TRPM3: variants seen among roughly 807,000 people sequenced by gnomAD.
TRPM3 encodes the protein transient receptor potential cation channel subfamily M member 3, also known as long transient receptor potential channel 3.
TRPM3 carries 77 observed loss-of-function variants against 181.2 expected under a neutral mutation model. The ratio of observed to expected loss-of-function variants is 0.42; its 90% CI spans 0.35 to 0.51. TRPM3 has a LOEUF of 0.51. Among genes scored for constraint, TRPM3 ranks in the 20% least tolerant of loss-of-function variants. The pLI, the probability that TRPM3 is intolerant of heterozygous loss-of-function variation, is 0.01. For synonymous variants in TRPM3, 745 were observed against 796.4 expected (o/e 0.94, Z 1.09); for missense variants, 1,759 against 2,196.7 (o/e 0.80, Z 3.98).
At chr9:71,080,251 TAATTGGAACG>T (rs2064088072) in intron 1 of TRPM3, among the ~76,000 whole-genome samples, 1 of 151,956 alleles carries the variant, frequency 6.6e-6, no homozygotes, top group Admixed American at 6.6e-5. Context: ...CCCAGTCTAG[TAATTGGAACG>T]AGACAACAGT....
intron 1 of TRPM3, among the ~76,000 whole-genome samples, chr9:71,197,810 A>T (rs1587901568): frequency 7.7e-6 from 1 of 130,590 alleles, no homozygotes; most frequent in Non-Finnish European, 1.7e-5. Context: ...ATTTTCTCCC[A>T]TTCTTTAGGT....
At chr9:70,981,053 A>G (rs949475110) in intron 1 of TRPM3, among the ~76,000 whole-genome samples, 1 of 152,192 alleles carries the variant, frequency 6.6e-6, no homozygotes, top group African/African-American at 2.4e-5. Flanking sequence ...CTCGAGTCAC[A>G]TTAAAGTGAT....
At position 70,535,106 on chromosome 9, in the gene TRPM3, A is replaced by G. The variant is rs1198609953; in HGVS notation, c.*847T>C. Reference sequence around the variant, plus strand: ...ATTCATCCATGACAGGTGAGATACAAAATAAATTAAAAAATATAAAATTAT... The same window carrying G: ...ATTCATCCATGACAGGTGAGATACAGAATAAATTAAAAAATATAAAATTAT... On this transcript the variant is annotated 3_prime_UTR_variant, in exon 26 of 26. Coordinates refer to ENST00000677713, the MANE Select transcript of TRPM3 (RefSeq NM_001366145.2). The G allele has an allele frequency of 1.5e-5, 3 of 204,512 alleles. No homozygotes were observed. Among genetic ancestry groups the G allele is most frequent in the African/African-American group, 7.0e-5 (3 of 43,104 alleles). The allele number at this position is 204,512 out of a possible 1,614,324, so 12.7% of individuals were successfully genotyped here.
At chr9:70,956,676 G>A (rs2097076231) in intron 1 of TRPM3, among the ~76,000 whole-genome samples, 1 of 152,056 alleles carries the variant, frequency 6.6e-6, no homozygotes, top group African/African-American at 2.4e-5. Context: ...TTTGAGGCCA[G>A]GACTTTGACA....
At chr9:70,898,269 C>G (rs2096314632) in intron 1 of TRPM3, among the ~76,000 whole-genome samples, 1 of 150,676 alleles carries the variant, frequency 6.6e-6, no homozygotes, top group Admixed American at 6.6e-5. Context: ...ACTACAGGCG[C>G]CCGCCACTAC....
At chr9:71,439,750 T>C (rs1404394724) in intron 1 of TRPM3, among the ~76,000 whole-genome samples, 2 of 152,224 alleles carry the variant, frequency 1.3e-5, no homozygotes, top group Non-Finnish European at 2.9e-5. Flanking sequence ...GTATTATGAT[T>C]ATGTGGATTA....
intron 1 of TRPM3, among the ~76,000 whole-genome samples, chr9:71,044,426 T>C (rs144880578): frequency 6.6e-5 from 10 of 152,366 alleles, no homozygotes; most frequent in Admixed American, 5.9e-4. Flanking sequence ...TGAGTCTGTT[T>C]ATATTCTTTG....
At chr9:71,172,151 T>C (rs2134814369) in intron 1 of TRPM3, among the ~76,000 whole-genome samples, 1 of 152,118 alleles carries the variant, frequency 6.6e-6, no homozygotes. Context: ...TCCTCCCGCT[T>C]CAGCCTCCCC....
chr9:70,986,388 C>T (rs1336119150), intron 1 of TRPM3, among the ~76,000 whole-genome samples: 1 of 152,096 alleles, frequency 6.6e-6, no homozygotes, highest in Non-Finnish European at 1.5e-5. Context: ...TATACATATA[C>T]TTTAACTTCA....
chr9:71,009,596 A>G (rs1356032767), intron 1 of TRPM3, among the ~76,000 whole-genome samples: 1 of 152,198 alleles, frequency 6.6e-6, no homozygotes, highest in African/African-American at 2.4e-5. Flanking sequence ...AGGCAATTAA[A>G]TGGAAATATA....
chr9:70,530,628 G>C lies in TRPM3; in HGVS notation c.*5325C>G, dbSNP rs544350314. The C allele has an allele frequency of 6.6e-6, 1 of 152,202 alleles. No individual in the cohort carries two copies. Among genetic ancestry groups the C allele is most frequent in the African/African-American group, 2.4e-5 (1 of 41,440 alleles). 9.4% of individuals were successfully genotyped at this position (152,202 alleles called of 1,614,324 possible). ...TTAGATGACCTGTAGAAACAGTCAC[G>C]TTGCTTTCATTAGCAGTGATGAGTG... On this transcript the variant is annotated 3_prime_UTR_variant, in exon 26 of 26. Transcript: ENST00000677713.
At chr9:71,367,327 G>A (rs758934375) in intron 1 of TRPM3, among the ~76,000 whole-genome samples, 1 of 152,144 alleles carries the variant, frequency 6.6e-6, no homozygotes, top group Non-Finnish European at 1.5e-5. Flanking sequence ...ACCCTGGAAT[G>A]TCTGCCTCTG....
chr9:71,387,872 G>A (rs1158086295), intron 1 of TRPM3, among the ~76,000 whole-genome samples: 2 of 152,050 alleles, frequency 1.3e-5, no homozygotes, highest in Non-Finnish European at 2.9e-5. Flanking sequence ...ACACACAGAT[G>A]CATACGTATA....
intron 1 of TRPM3, among the ~76,000 whole-genome samples, chr9:71,200,695 C>G (rs1179843871): frequency 2.6e-5 from 4 of 152,142 alleles, no homozygotes; most frequent in South Asian, 4.1e-4. Flanking sequence ...AGGATTGCAA[C>G]CCCTGCCTTT....
intron 9 of TRPM3, among the ~76,000 whole-genome samples, chr9:70,680,995 C>A (rs567160037): frequency 6.6e-6 from 1 of 152,242 alleles, no homozygotes; most frequent in African/African-American, 2.4e-5. Context: ...TTCCAGGAAG[C>A]TTAAATTTAA....
At chr9:71,289,596 A>G (rs2085607952) in intron 1 of TRPM3, among the ~76,000 whole-genome samples, 1 of 152,146 alleles carries the variant, frequency 6.6e-6, no homozygotes, top group African/African-American at 2.4e-5. Flanking sequence ...GGTCAAGCAC[A>G]GTGGCTCACG....
chr9:70,578,356 A>C lies in TRPM3; in HGVS notation c.3223+12675T>G, dbSNP rs960762017. Among the ~76,000 whole-genome samples the C allele has an allele frequency of 5.4e-5, 8 of 149,058 alleles. No homozygotes were observed. In the East Asian group the frequency reaches 1.6e-3, roughly 30 times the overall value. On this transcript the variant is annotated intron_variant, in intron 22 of 25. Coordinates refer to ENST00000677713, the MANE Select transcript of TRPM3 (RefSeq NM_001366145.2). ...CTCTTAGATGCAAACTTGAGAAGGG[A>C]GGTGTTGAAGTTTGCTAGACTCCAC...
chr9:71,024,824 T>C (rs2097880122), intron 1 of TRPM3, among the ~76,000 whole-genome samples: 1 of 152,234 alleles, frequency 6.6e-6, no homozygotes, highest in Admixed American at 6.5e-5. Context: ...ATTTATTGTG[T>C]TCTGATGCTT....
intron 1 of TRPM3, among the ~76,000 whole-genome samples, chr9:71,003,538 CTG>C (rs2097639772): frequency 6.6e-6 from 1 of 151,998 alleles, no homozygotes; most frequent in Admixed American, 6.6e-5. Context: ...GGTGGAACCA[CTG>C]TGCTTTCCCA....
Sources: gnomAD v4.1 joint callset for allele counts (sites outside exome capture counted in the v4.1 genomes callset) on GRCh38, gnomAD v4.1.1 for gene constraint, MANE v1.5 for transcripts, NCBI Gene and HGNC (gene_info 2026-07-23, HGNC 2026-07-21) for gene names.